Variants in ZFAND3 observed in about 807,000 individuals in gnomAD.
The protein encoded by ZFAND3 is zinc finger AN1-type containing 3.
In ZFAND3, 10 loss-of-function variants were observed where a neutral mutation model predicts 29.6. The observed-to-expected ratio is 0.34, with a 90% CI of 0.21 to 0.57. The LOEUF (loss-of-function observed/expected upper bound fraction) is 0.57. Among genes scored for constraint, ZFAND3 ranks in the 20% least tolerant of loss-of-function variants. The probability of loss-of-function intolerance (pLI) is 0.86; values close to 1 mark genes in which losing one functional copy is unlikely to be tolerated. For synonymous variants in ZFAND3, 128 were observed against 112.6 expected (o/e 1.14, Z -0.87); for missense variants, 230 against 304.5 (o/e 0.76, Z 1.82).
intron 2 of ZFAND3, among the ~76,000 whole-genome samples, chr6:37,997,873 T>A (rs562134054): frequency 1.3e-5 from 2 of 152,348 alleles, no homozygotes; most frequent in South Asian, 4.1e-4. Context: ...ATTGGGCAGA[T>A]GCACCAGTTT....
At chr6:37,989,863 G>T (rs1762730338) in intron 2 of ZFAND3, among the ~76,000 whole-genome samples, 1 of 152,210 alleles carries the variant, frequency 6.6e-6, no homozygotes, top group Admixed American at 6.5e-5. Flanking sequence ...GAAGAAGGTT[G>T]TTGAAGTAAT....
intron 2 of ZFAND3, among the ~76,000 whole-genome samples, chr6:37,950,935 T>A (rs1761987265): frequency 6.6e-6 from 1 of 152,236 alleles, no homozygotes; most frequent in Admixed American, 6.5e-5. Context: ...GGGAATAGCA[T>A]GAAATGTGTA....
At chr6:37,986,159 CT>C (rs1180150956) in intron 2 of ZFAND3, among the ~76,000 whole-genome samples, 5 of 150,352 alleles carry the variant, frequency 3.3e-5, no homozygotes, top group Non-Finnish European at 5.9e-5. Flanking sequence ...TTTTTTTTTT[CT>C]TTTTACATTT....
intron 1 of ZFAND3, among the ~76,000 whole-genome samples, chr6:37,916,126 A>G (rs535544368): frequency 6.6e-6 from 1 of 151,908 alleles, no homozygotes; most frequent in South Asian, 2.1e-4. Flanking sequence ...GTATGGGCAT[A>G]GTTTATGGTG....
chr6:37,821,064 G>C (rs562330466), intron 1 of ZFAND3, among the ~76,000 whole-genome samples: 1 of 152,204 alleles, frequency 6.6e-6, no homozygotes, highest in Non-Finnish European at 1.5e-5. Flanking sequence ...TATATTTGGA[G>C]ACATAGAGGC....
chr6:37,935,332 G>GATAATATTT (rs1337127470), intron 2 of ZFAND3, among the ~76,000 whole-genome samples: 1 of 151,894 alleles, frequency 6.6e-6, no homozygotes, highest in African/African-American at 2.4e-5. Flanking sequence ...TTACCCCCTT[G>GATAATATTT]ATAATATTCT....
In ZFAND3 at chr6:38,082,475, A is replaced by T; in HGVS notation, c.361+18A>T. ...TGGTACAGGTATGTACGTCATTCTT[A>T]TGTGAATTCATCCTTATTTGAATTC... On this transcript the variant is annotated intron_variant, in intron 4 of 5. Transcript: ENST00000287218. 1.2e-6 allele frequency: 2 copies of T among 1,605,710 alleles called. No individual in the cohort carries two copies. The highest frequency in any genetic ancestry group is 1.7e-6 in the Non-Finnish European group (2 of 1,174,682).
At chr6:37,901,781 T>C (rs2127401032) in intron 1 of ZFAND3, among the ~76,000 whole-genome samples, 1 of 152,332 alleles carries the variant, frequency 6.6e-6, no homozygotes, top group East Asian at 1.9e-4. Flanking sequence ...CATGTTCTGT[T>C]TGCTGCATCT....
chr6:37,865,565 T>C (rs536696353), intron 1 of ZFAND3, among the ~76,000 whole-genome samples: 1 of 152,362 alleles, frequency 6.6e-6, no homozygotes, highest in East Asian at 1.9e-4. Flanking sequence ...CTGAAGAATT[T>C]CCCTTTTTTG....
At chr6:37,838,909 A>G (rs1764018627) in intron 1 of ZFAND3, among the ~76,000 whole-genome samples, 3 of 152,236 alleles carry the variant, frequency 2.0e-5, no homozygotes, top group Admixed American at 1.3e-4. Flanking sequence ...TTCCAGAGCA[A>G]CTACATTATT....
At chr6:37,881,526 A>G (rs1029053929) in intron 1 of ZFAND3, among the ~76,000 whole-genome samples, 1 of 152,184 alleles carries the variant, frequency 6.6e-6, no homozygotes, top group Non-Finnish European at 1.5e-5. Context: ...CTGGAGGGGA[A>G]GCTGTTAGCT....
At chr6:37,836,349 A>G (rs1459530861) in intron 1 of ZFAND3, among the ~76,000 whole-genome samples, 1 of 152,200 alleles carries the variant, frequency 6.6e-6, no homozygotes, top group Non-Finnish European at 1.5e-5. Context: ...ATAACTAAGG[A>G]TGGAACCCTG....
At chr6:37,830,184 A>T (rs1332169809) in intron 1 of ZFAND3, among the ~76,000 whole-genome samples, 1 of 152,168 alleles carries the variant, frequency 6.6e-6, no homozygotes, top group African/African-American at 2.4e-5. Context: ...CATTGGACAG[A>T]GATCTGTGTA....
intron 5 of ZFAND3, among the ~76,000 whole-genome samples, chr6:38,144,093 A>C (rs146852703): frequency 6.7e-6 from 1 of 149,934 alleles, no homozygotes. Flanking sequence ...GCTGTTCCCA[A>C]CGTGTACTTA....
chr6:37,872,073 T>TC (rs961049214), intron 1 of ZFAND3, among the ~76,000 whole-genome samples: 1 of 152,186 alleles, frequency 6.6e-6, no homozygotes, highest in African/African-American at 2.4e-5. Flanking sequence ...TTTCTTGATT[T>TC]CCCCCTCCAC....
intron 3 of ZFAND3, among the ~76,000 whole-genome samples, chr6:38,081,147 C>T (rs759556585): frequency 6.6e-6 from 1 of 151,540 alleles, no homozygotes; most frequent in Non-Finnish European, 1.5e-5. Flanking sequence ...CATTTATGTA[C>T]AGAAGTTTTT....
intron 4 of ZFAND3, among the ~76,000 whole-genome samples, chr6:38,093,826 ATAG>A (rs570261771): frequency 1.8e-4 from 28 of 152,302 alleles, no homozygotes; most frequent in African/African-American, 6.3e-4. Context: ...AAACTAGCAA[ATAG>A]TGGTGGTTGG....
chr6:37,954,606 T>C (rs1464430440), intron 2 of ZFAND3, among the ~76,000 whole-genome samples: 1 of 152,234 alleles, frequency 6.6e-6, no homozygotes, highest in Non-Finnish European at 1.5e-5. Context: ...CTACCAATTA[T>C]CTGTGCCAGT....
At chr6:38,075,056 G>A (rs764931271) in intron 3 of ZFAND3, among the ~76,000 whole-genome samples, 1 of 152,210 alleles carries the variant, frequency 6.6e-6, no homozygotes, top group Non-Finnish European at 1.5e-5. Flanking sequence ...TCACCCAAGA[G>A]CTCTGATGGA....
Sources: allele counts gnomAD v4.1 joint callset (sites outside exome capture counted in the v4.1 genomes callset), GRCh38; gene constraint gnomAD v4.1.1; transcripts MANE v1.5; gene names NCBI Gene and HGNC (gene_info 2026-07-23, HGNC 2026-07-21).